The following ADAM28 variants were observed in gnomAD, a reference collection of about 807,000 sequenced individuals.
The protein encoded by ADAM28 is ADAM metallopeptidase domain 28.
In ADAM28, 105 loss-of-function variants were observed where a neutral mutation model predicts 101.2. The observed-to-expected ratio is 1.04, with a 90% CI of 0.89 to 1.22. ADAM28 has a LOEUF of 1.22. Ranked by LOEUF, ADAM28 falls within the 50% of genes most tolerant of loss-of-function variation. The probability of loss-of-function intolerance (pLI) is 0.00; values close to 1 mark genes in which losing one functional copy is unlikely to be tolerated. For missense variants in ADAM28, 1,028 were observed against 945.4 expected, an observed-to-expected ratio of 1.09 and a Z score of -1.15; for synonymous variants, 322 against 310.6, an observed-to-expected ratio of 1.04 and a Z score of -0.39.
At chr8:24,341,385 C>G in intron 15 of ADAM28, 1 of 453,964 alleles carries the variant, frequency 2.2e-6, no homozygotes. Flanking sequence ...ATTAGGTGTA[C>G]AGGGATCTAG....
chr8:24,351,374 T>G (rs781672173), intron 20 of ADAM28, 64 bp downstream of exon 20: 1 of 1,443,172 alleles, frequency 6.9e-7, no homozygotes, highest in Non-Finnish European at 9.8e-7. Flanking sequence ...CACACTCTTA[T>G]CCTGACTACC....
chr8:24,317,920 C>CA (rs1475053700), intron 6 of ADAM28, among the ~76,000 whole-genome samples: 1 of 151,880 alleles, frequency 6.6e-6, no homozygotes, highest in East Asian at 1.9e-4. Flanking sequence ...CTGTTAAGGA[C>CA]AAAAAGTAGA....
chr8:24,323,638 G>C (rs1812168390), intron 8 of ADAM28, among the ~76,000 whole-genome samples, 196 bp from the exon 9 acceptor site: 1 of 151,858 alleles, frequency 6.6e-6, no homozygotes, highest in Non-Finnish European at 1.5e-5. Flanking sequence ...AACTATCTTA[G>C]TGTATTTATC....
chr8:24,296,595 C>T (rs922974499), intron 1 of ADAM28, among the ~76,000 whole-genome samples: 2 of 152,214 alleles, frequency 1.3e-5, no homozygotes, highest in Non-Finnish European at 2.9e-5. Flanking sequence ...ACTAATGTCT[C>T]TCATATTAAC....
chr8:24,354,463 G>C lies in ADAM28; in HGVS notation c.*59G>C. 6.7e-7 allele frequency: 1 copy of C among 1,493,076 alleles called. No individual in the cohort carries two copies. Among genetic ancestry groups the C allele is most frequent in the Non-Finnish European group, 8.9e-7 (1 of 1,122,798 alleles). The allele number at this position is 1,493,076 out of a possible 1,614,324, so 92.5% of individuals were successfully genotyped here. A position where few individuals can be genotyped will look rare whatever the true frequency, so the allele number is the denominator to read the frequency against. On this transcript the variant is annotated 3_prime_UTR_variant, in exon 23 of 23. Coordinates refer to ENST00000265769, the MANE Select transcript of ADAM28 (RefSeq NM_014265.6). Reference sequence around the variant, plus strand: ...ATCAACTTGGAAAACTGGAAAATCTGGATGGCAGAGAAATATACTATCTAT... The same window carrying C: ...ATCAACTTGGAAAACTGGAAAATCTCGATGGCAGAGAAATATACTATCTAT...
intron 5 of ADAM28, 150 bp downstream of exon 5, chr8:24,311,587 C>T (rs570290916): frequency 7.9e-6 from 4 of 503,250 alleles, no homozygotes; most frequent in African/African-American, 7.9e-5. Context: ...GAAGAAACAC[C>T]GCTTCTCTTG....
chr8:24,320,881 G>T (rs1811777101), intron 7 of ADAM28, among the ~76,000 whole-genome samples: 1 of 151,916 alleles, frequency 6.6e-6, no homozygotes, highest in African/African-American at 2.4e-5. Flanking sequence ...TTCATGTACT[G>T]TTCATGTATG....
chr8:24,350,408 G>A (rs1470433385), intron 19 of ADAM28, among the ~76,000 whole-genome samples: 1 of 151,944 alleles, frequency 6.6e-6, no homozygotes, highest in African/African-American at 2.4e-5. Context: ...ACACCTCCCA[G>A]TTTCAAGTAC....
chr8:24,338,076 G>A (rs750887211), intron 14 of ADAM28, among the ~76,000 whole-genome samples: 17 of 151,986 alleles, frequency 1.1e-4, no homozygotes, highest in African/African-American at 3.9e-4. Flanking sequence ...TCATCTTTAC[G>A]GACAGAAAAA....
chr8:24,317,589 A>G (rs1811324742), intron 6 of ADAM28, among the ~76,000 whole-genome samples: 1 of 152,086 alleles, frequency 6.6e-6, no homozygotes, highest in Non-Finnish European at 1.5e-5. Context: ...TCCTAAAAGA[A>G]AATAGAGGGG....
At position 24,313,428 on chromosome 8, in the gene ADAM28, C is replaced by T. The variant is rs374916140; in HGVS notation, c.424C>T (p.Pro142Ser). 5.6e-6 allele frequency: 9 copies of T among 1,613,092 alleles called. No individual in the cohort carries two copies. The highest frequency in any genetic ancestry group is 2.7e-5 in the African/African-American group (2 of 74,836). Reference sequence around the variant, plus strand: ...GGGGGATCAAAGATACTTTATTGAACCTTTAAGCCCCATACATCGGGATGG... The same window carrying T: ...GGGGGATCAAAGATACTTTATTGAATCTTTAAGCCCCATACATCGGGATGG... Reference protein sequence around the residue: ...SQGDQRYFIEPLSPIHRDGQE... With the variant: ...SQGDQRYFIESLSPIHRDGQE... The change falls in exon 6 of 23, where the codon CCT (proline) becomes TCT (serine). Residue 142 changes from proline (P) to serine (S), a missense_variant. Physicochemically the swap from Pro to Ser is moderately conservative, Grantham distance 74. Coordinates refer to ENST00000265769, the MANE Select transcript of ADAM28 (RefSeq NM_014265.6).
chr8:24,323,915 A>G lies in ADAM28; in HGVS notation c.802A>G (p.Asn268Asp), dbSNP rs199499035. Residue 268 changes from asparagine to aspartate, a missense_variant, in exon 9 of 23, where the codon AAT becomes GAT. By Grantham distance (23) the Asn-to-Asp change is conservative. Coordinates refer to ENST00000265769, the MANE Select transcript of ADAM28 (RefSeq NM_014265.6). ...CAAGGATAAGATAAAGATAACCCCA[A>G]ATGCAAGCTTCACCTTGGAGAATTT... Reference protein sequence around the residue: ...TDKDKIKITPNASFTLENFSK... With the variant: ...TDKDKIKITPDASFTLENFSK... 7 of 1,612,322 alleles carry G rather than the reference A, an allele frequency of 4.3e-6. No homozygotes were observed. The African/African-American group carries it at 9.3e-5, about 22-fold the overall frequency.
intron 14 of ADAM28, chr8:24,336,161 G>C: frequency 2.0e-6 from 2 of 985,298 alleles, no homozygotes; most frequent in Non-Finnish European, 2.4e-6. Context: ...AAAAGTGAAA[G>C]TTCTTAAATG....
chr8:24,352,783 A>G (rs532683723), intron 21 of ADAM28, among the ~76,000 whole-genome samples: 1 of 152,272 alleles, frequency 6.6e-6, no homozygotes, highest in African/African-American at 2.4e-5. Context: ...ATTTCTGAAA[A>G]TGATTTAAGT....
At chr8:24,312,246 A>T (rs1318312375) in intron 5 of ADAM28, among the ~76,000 whole-genome samples, 1 of 152,058 alleles carries the variant, frequency 6.6e-6, no homozygotes, top group East Asian at 1.9e-4. Flanking sequence ...CCTCAATCTC[A>T]GTATGCCTTA....
At chr8:24,313,650 A>T (rs555782202) in intron 6 of ADAM28, 70 bp downstream of exon 6, 1 of 1,485,394 alleles carries the variant, frequency 6.7e-7, no homozygotes, top group East Asian at 2.3e-5. Context: ...TAGCAGTGCA[A>T]TTTACTGAAA....
intron 2 of ADAM28, among the ~76,000 whole-genome samples, chr8:24,304,823 G>C (rs1285821520): frequency 6.6e-6 from 1 of 151,658 alleles, no homozygotes; most frequent in Non-Finnish European, 1.5e-5. Context: ...GCTGAGGCAG[G>C]AGAATCATTG....
chr8:24,335,062 G>C (rs926441883), intron 13 of ADAM28, among the ~76,000 whole-genome samples: 1 of 152,096 alleles, frequency 6.6e-6, no homozygotes, highest in Non-Finnish European at 1.5e-5. Context: ...CAATTCACCA[G>C]TAAATCTCTG....
chr8:24,310,013 G>C lies in ADAM28; in HGVS notation c.227+43G>C, dbSNP rs777094116. ...TGATATTATCCTCAGCAAGAGCAAGGCAGCCTATGGAGAGTGTGCTGAGTC... is the reference window on the plus strand; with the variant it reads ...TGATATTATCCTCAGCAAGAGCAAGCCAGCCTATGGAGAGTGTGCTGAGTC... On this transcript the variant is annotated intron_variant, in intron 3 of 22. Transcript: ENST00000265769. 2.7e-6 allele frequency: 4 copies of C among 1,504,850 alleles called. No homozygotes were observed. The African/African-American group carries it at 5.5e-5, about 21-fold the overall frequency. 93.2% of individuals were successfully genotyped at this position (1,504,850 alleles called of 1,614,324 possible). A position where few individuals can be genotyped will look rare whatever the true frequency, so the allele number is the denominator to read the frequency against.
Sources: allele counts gnomAD v4.1 joint callset (sites outside exome capture counted in the v4.1 genomes callset), GRCh38; gene constraint gnomAD v4.1.1; transcripts MANE v1.5; gene names NCBI Gene and HGNC (gene_info 2026-07-23, HGNC 2026-07-21).